Variants in TEX36 observed in about 807,000 individuals in gnomAD.
The protein encoded by TEX36 is testis-expressed protein 36.
In TEX36, 12 loss-of-function variants were observed where a neutral mutation model predicts 13.6. That is an observed-to-expected ratio of 0.88 (90% CI 0.56 to 1.43). The LOEUF is 1.43. TEX36 is among the 40% of genes most tolerant of loss of function. The pLI, the probability that TEX36 is intolerant of heterozygous loss-of-function variation, is 0.00. For synonymous variants in TEX36, 93 were observed against 83.0 expected, an observed-to-expected ratio of 1.12 and a Z score of -0.65; for missense variants, 224 against 228.3, an observed-to-expected ratio of 0.98 and a Z score of 0.12.
chr10:125,596,116 G>C (rs952582994), intron 3 of TEX36, among the ~76,000 whole-genome samples: 1 of 152,238 alleles, frequency 6.6e-6, no homozygotes, highest in African/African-American at 2.4e-5. Context: ...GGTTTAACAT[G>C]AGAAATGTGC....
intron 3 of TEX36, among the ~76,000 whole-genome samples, chr10:125,615,099 A>C (rs1248471278): frequency 6.6e-6 from 1 of 152,184 alleles, no homozygotes; most frequent in African/African-American, 2.4e-5. Context: ...TTGTTGGTGT[A>C]TAAGAATGCT....
chr10:125,679,149 C>G lies in TEX36; in HGVS notation c.51+3790G>C, dbSNP rs201921908. ...CTGGCTACAGGAGCACCCCCCCCGC[C>G]CCCGCCAAGCTGACAACTTAGTTCC... On this transcript the variant is annotated intron_variant, in intron 1 of 3. Coordinates refer to ENST00000368821, the MANE Select transcript of TEX36 (RefSeq NM_001128202.3). 6.8e-3 allele frequency among the ~76,000 whole-genome samples: 971 copies of G among 142,828 alleles called. 44 individuals are homozygous for G. The highest frequency in any genetic ancestry group is 0.035 in the South Asian group (157 of 4,500). 93.7% of individuals were successfully genotyped at this position (142,828 alleles called of 152,430 possible). A position where few individuals can be genotyped will look rare whatever the true frequency, so the allele number is the denominator to read the frequency against.
At chr10:125,671,721 T>C (rs564491714) in intron 1 of TEX36, among the ~76,000 whole-genome samples, 1 of 152,242 alleles carries the variant, frequency 6.6e-6, no homozygotes, top group Non-Finnish European at 1.5e-5. Context: ...AGCTCTTTTT[T>C]GTACCTCTGG....
At chr10:125,580,246 GA>G (rs1489541548) in intron 3 of TEX36, among the ~76,000 whole-genome samples, 2 of 152,200 alleles carry the variant, frequency 1.3e-5, no homozygotes, top group African/African-American at 2.4e-5. Flanking sequence ...TCAGGCAAGT[GA>G]AAGTCTTATT....
chr10:125,623,098 T>C lies in TEX36; in HGVS notation c.265-1453A>G, dbSNP rs560363593. Among the ~76,000 whole-genome samples the C allele has an allele frequency of 1.1e-4, 17 of 152,296 alleles. No individual in the cohort carries two copies. In the South Asian group the frequency reaches 3.1e-3, roughly 28 times the overall value. On this transcript the variant is annotated intron_variant, in intron 3 of 3. Transcript: ENST00000526819. ...TGGCTATGGGAGAAAGAGTACCATA[T>C]ATTGGAGGCTGATTCAGAGTATACA...
chr10:125,681,092 G>T (rs902574508), intron 1 of TEX36, among the ~76,000 whole-genome samples: 13 of 152,334 alleles, frequency 8.5e-5, no homozygotes, highest in Middle Eastern at 3.4e-3. Context: ...CTGATAAAAA[G>T]GGGCAGACTT....
At chr10:125,583,350 A>G (rs1458426260) in intron 3 of TEX36, among the ~76,000 whole-genome samples, 1 of 151,414 alleles carries the variant, frequency 6.6e-6, no homozygotes, top group African/African-American at 2.4e-5. Context: ...TGCAAGTTCA[A>G]TGTCTGGTAA....
chr10:125,618,942 T>TAAAAAAAAAAAA (rs11452140), downstream of TEX36, among the ~76,000 whole-genome samples: 138 of 43,558 alleles, frequency 3.2e-3, 4 homozygotes, highest in African/African-American at 0.011. Flanking sequence ...CCGTCTCTAC[T>TAAAAAAAAAAAA]AAAAAAAAAA....
At chr10:125,596,935 A>C (rs1846086824) in intron 3 of TEX36, among the ~76,000 whole-genome samples, 2 of 152,212 alleles carry the variant, frequency 1.3e-5, no homozygotes, top group Admixed American at 1.3e-4. Context: ...AACTCGCCTC[A>C]TCTGTAAAAT....
At chr10:125,676,156 C>T (rs1847307340) in intron 1 of TEX36, among the ~76,000 whole-genome samples, 1 of 152,154 alleles carries the variant, frequency 6.6e-6, no homozygotes, top group African/African-American at 2.4e-5. Context: ...AGTTTAAATC[C>T]AGTGTTTCTT....
At chr10:125,617,406 A>T (rs1014995359), downstream of TEX36, among the ~76,000 whole-genome samples, 2 of 152,030 alleles carry the variant, frequency 1.3e-5, no homozygotes, top group African/African-American at 4.8e-5. Flanking sequence ...TTTTGGCATG[A>T]TTTTGCAGTG....
Position 125,655,890 on chromosome 10 carries a change from T to G in TEX36, c.*10A>C. 6.8e-7 allele frequency: 1 copy of G among 1,477,232 alleles called. No homozygotes were observed. 91.5% of individuals were successfully genotyped at this position (1,477,232 alleles called of 1,614,324 possible). Reference sequence around the variant, plus strand: ...GTATTACAAAATTCATCAAAAATCTTCTGGGAGGATTAGGACTCCAGTGAA... The same window carrying G: ...GTATTACAAAATTCATCAAAAATCTGCTGGGAGGATTAGGACTCCAGTGAA... On this transcript the variant is annotated 3_prime_UTR_variant, in exon 4 of 4. Coordinates refer to ENST00000368821, the MANE Select transcript of TEX36 (RefSeq NM_001128202.3).
intron 3 of TEX36, among the ~76,000 whole-genome samples, chr10:125,587,457 C>T (rs1845967931): frequency 6.6e-6 from 1 of 152,150 alleles, no homozygotes; most frequent in Non-Finnish European, 1.5e-5. Flanking sequence ...ATTCTCACTC[C>T]TGGAAACAAT....
At chr10:125,654,929 C>T (rs1422965588), downstream of TEX36, among the ~76,000 whole-genome samples, 2 of 152,134 alleles carry the variant, frequency 1.3e-5, no homozygotes, top group East Asian at 3.9e-4. Context: ...CTATCTACTC[C>T]AGAGGTGCAG....
At chr10:125,582,724 G>A (rs1845898240) in intron 3 of TEX36, among the ~76,000 whole-genome samples, 2 of 152,172 alleles carry the variant, frequency 1.3e-5, no homozygotes, top group Admixed American at 1.3e-4. Flanking sequence ...AAGTCTTCTT[G>A]AAGTGGTATT....
intron 1 of TEX36, among the ~76,000 whole-genome samples, chr10:125,663,079 T>A (rs9422782): frequency 0.01 from 1,589 of 152,238 alleles, 26 homozygotes; most frequent in African/African-American, 0.035. Context: ...CATTCAGAGG[T>A]CCTGAGTCCA....
intron 3 of TEX36, among the ~76,000 whole-genome samples, chr10:125,600,310 G>T (rs750287446): frequency 1.3e-5 from 2 of 152,098 alleles, no homozygotes; most frequent in Non-Finnish European, 2.9e-5. Flanking sequence ...CGTGTAGGCT[G>T]AGGAGGGAGT....
chr10:125,664,872 G>C (rs1226203311), intron 1 of TEX36, among the ~76,000 whole-genome samples: 1 of 152,104 alleles, frequency 6.6e-6, no homozygotes, highest in Non-Finnish European at 1.5e-5. Flanking sequence ...ATCCTCACCA[G>C]CATTTGTGAT....
chr10:125,676,164 C>T (rs1847307502), intron 1 of TEX36, among the ~76,000 whole-genome samples: 1 of 152,134 alleles, frequency 6.6e-6, no homozygotes, highest in South Asian at 2.1e-4. Flanking sequence ...TCCAGTGTTT[C>T]TTGGTTGAGT....
Sources: allele counts gnomAD v4.1 joint callset (sites outside exome capture counted in the v4.1 genomes callset), GRCh38; gene constraint gnomAD v4.1.1; transcripts MANE v1.5; gene names NCBI Gene and HGNC (gene_info 2026-07-23, HGNC 2026-07-21).